The following FHIT variants were observed in gnomAD, a reference collection of about 807,000 sequenced individuals.
The protein encoded by FHIT is fragile histidine triad diadenosine triphosphatase.
FHIT carries 19 observed loss-of-function variants against 17.9 expected under a neutral mutation model. That is an observed-to-expected ratio of 1.06 (90% confidence interval 0.74 to 1.56). The LOEUF (loss-of-function observed/expected upper bound fraction) is 1.56. Among genes scored for constraint, FHIT ranks in the 40% most tolerant of loss-of-function variants. FHIT has a pLI of 0.00. For missense variants in FHIT, 248 were observed against 189.2 expected, an observed-to-expected ratio of 1.31 and a Z score of -1.82; for synonymous variants, 81 against 69.7, an observed-to-expected ratio of 1.16 and a Z score of -0.81.
At chr3:60,262,428 C>T (rs112249878) in intron 5 of FHIT, among the ~76,000 whole-genome samples, 2 of 152,068 alleles carry the variant, frequency 1.3e-5, no homozygotes, top group African/African-American at 4.8e-5. Flanking sequence ...CCCCTACAAA[C>T]CTTTTGAAAA....
intron 5 of FHIT, among the ~76,000 whole-genome samples, chr3:60,248,320 T>C (rs1237028245): frequency 3.3e-5 from 5 of 152,300 alleles, no homozygotes; most frequent in South Asian, 2.1e-4. Flanking sequence ...TTTCATATCA[T>C]TGGGGAATTA....
intron 5 of FHIT, among the ~76,000 whole-genome samples, chr3:60,328,146 G>C (rs1391945788): frequency 7.0e-6 from 1 of 143,398 alleles, no homozygotes; most frequent in Admixed American, 7.2e-5. Flanking sequence ...CTGTAAGGGA[G>C]CACAGGCAAT....
intron 4 of FHIT, among the ~76,000 whole-genome samples, chr3:60,541,286 G>A (rs2036177844): frequency 6.6e-6 from 1 of 152,162 alleles, no homozygotes; most frequent in African/African-American, 2.4e-5. Context: ...AAGTGGCAGT[G>A]CTTCAGATAT....
At chr3:60,807,506 A>G (rs1435900281) in intron 4 of FHIT, among the ~76,000 whole-genome samples, 2 of 152,178 alleles carry the variant, frequency 1.3e-5, no homozygotes, top group African/African-American at 4.8e-5. Flanking sequence ...GGAGGACGCC[A>G]GAGCCCGGGA....
intron 5 of FHIT, among the ~76,000 whole-genome samples, chr3:60,451,449 T>C (rs985260668): frequency 1.3e-5 from 2 of 152,140 alleles, no homozygotes; most frequent in Admixed American, 6.6e-5. Flanking sequence ...CATCTTGTCT[T>C]TGACATATTT....
chr3:60,009,652 C>A (rs1700065671), intron 7 of FHIT, among the ~76,000 whole-genome samples: 1 of 152,104 alleles, frequency 6.6e-6, no homozygotes, highest in South Asian at 2.1e-4. Flanking sequence ...AGAGATAATT[C>A]AAATATGATA....
At chr3:61,051,535 C>T (rs967314081) in intron 2 of FHIT, among the ~76,000 whole-genome samples, 1 of 152,172 alleles carries the variant, frequency 6.6e-6, no homozygotes, top group Admixed American at 6.5e-5. Flanking sequence ...AGGCCTGAGA[C>T]ACCACCCCTG....
At chr3:60,322,153 T>G (rs141286524) in intron 5 of FHIT, among the ~76,000 whole-genome samples, 1 of 152,224 alleles carries the variant, frequency 6.6e-6, no homozygotes, top group Non-Finnish European at 1.5e-5. Flanking sequence ...ATTTTCATTA[T>G]GCTTTTCTGG....
At chr3:60,220,459 T>C (rs1464785911) in intron 5 of FHIT, among the ~76,000 whole-genome samples, 1 of 152,118 alleles carries the variant, frequency 6.6e-6, no homozygotes, top group African/African-American at 2.4e-5. Context: ...ATAAATCAAC[T>C]GACATAATAG....
At chr3:60,582,160 T>C (rs1201056305) in intron 4 of FHIT, among the ~76,000 whole-genome samples, 2 of 152,052 alleles carry the variant, frequency 1.3e-5, no homozygotes, top group African/African-American at 2.4e-5. Context: ...GATTCTGATT[T>C]ATTTGGACTG....
At chr3:59,895,610 G>A (rs545839328) in intron 8 of FHIT, among the ~76,000 whole-genome samples, 20 of 152,188 alleles carry the variant, frequency 1.3e-4, no homozygotes, top group African/African-American at 3.9e-4. Flanking sequence ...AATAAGTTAC[G>A]TCAACTTGAC....
intron 5 of FHIT, among the ~76,000 whole-genome samples, chr3:60,333,294 G>A (rs944683448): frequency 2.0e-5 from 3 of 152,152 alleles, no homozygotes; most frequent in Non-Finnish European, 4.4e-5. Flanking sequence ...AGTCAAGGGG[G>A]AAACAAAGGT....
At chr3:60,302,110 C>T (rs978038878) in intron 5 of FHIT, among the ~76,000 whole-genome samples, 2 of 152,138 alleles carry the variant, frequency 1.3e-5, no homozygotes, top group African/African-American at 4.8e-5. Flanking sequence ...AGAAATTTAA[C>T]TGAAGGCCAC....
At chr3:60,462,501 T>G (rs1258961486) in intron 5 of FHIT, among the ~76,000 whole-genome samples, 1 of 152,076 alleles carries the variant, frequency 6.6e-6, no homozygotes, top group Non-Finnish European at 1.5e-5. Flanking sequence ...AATGTATAAT[T>G]AGAGGATCTG....
intron 5 of FHIT, among the ~76,000 whole-genome samples, chr3:60,192,862 ATTG>A (rs1559715244): frequency 6.6e-6 from 1 of 152,144 alleles, no homozygotes; most frequent in East Asian, 1.9e-4. Context: ...TTTTCAAATA[ATTG>A]TTTATAGGTT....
chr3:60,638,570 G>A (rs962746294), intron 4 of FHIT, among the ~76,000 whole-genome samples: 4 of 152,078 alleles, frequency 2.6e-5, no homozygotes, highest in African/African-American at 9.7e-5. Context: ...AAATCACAAT[G>A]TCTGGGGTAA....
chr3:60,474,522 T>C (rs1303191312), intron 5 of FHIT, among the ~76,000 whole-genome samples: 1 of 152,194 alleles, frequency 6.6e-6, no homozygotes, highest in Non-Finnish European at 1.5e-5. Context: ...AGTTTTTGAA[T>C]TTATTAATAA....
intron 4 of FHIT, among the ~76,000 whole-genome samples, chr3:60,654,174 C>T (rs1553689034): frequency 6.6e-6 from 1 of 152,186 alleles, no homozygotes; most frequent in African/African-American, 2.4e-5. Flanking sequence ...CGAGCCAGCA[C>T]CGTGCTTCCT....
chr3:60,470,976 T>G (rs1448462721), intron 5 of FHIT, among the ~76,000 whole-genome samples: 1 of 152,202 alleles, frequency 6.6e-6, no homozygotes, highest in Non-Finnish European at 1.5e-5. Context: ...GGCAGCAGGT[T>G]CTCTTCCAGC....
Sources: gnomAD v4.1 joint callset for allele counts (sites outside exome capture counted in the v4.1 genomes callset) on GRCh38, gnomAD v4.1.1 for gene constraint, MANE v1.5 for transcripts, NCBI Gene and HGNC (gene_info 2026-07-23, HGNC 2026-07-21) for gene names.